Variants in RFT1 observed in about 807,000 individuals in gnomAD.
RFT1 encodes man(5)GlcNAc(2)-PP-dolichol translocation protein RFT1.
In RFT1, 43 loss-of-function variants were observed where a neutral mutation model predicts 62.2. That is an observed-to-expected ratio of 0.69 (90% CI 0.54 to 0.89). The LOEUF is 0.89. Ranked by LOEUF, RFT1 falls within the 40% of genes least tolerant of loss-of-function variation. The pLI is 0.00. For synonymous variants in RFT1, 262 were observed against 264.6 expected, an observed-to-expected ratio of 0.99 and a Z score of 0.10; for missense variants, 605 against 649.9, an observed-to-expected ratio of 0.93 and a Z score of 0.75.
intron 6 of RFT1, among the ~76,000 whole-genome samples, chr3:53,115,667 T>C (rs1201269325): frequency 6.6e-6 from 1 of 152,256 alleles, no homozygotes; most frequent in African/African-American, 2.4e-5. Context: ...TCTTTCCTTC[T>C]GTGGTCACGA....
downstream of RFT1, among the ~76,000 whole-genome samples, chr3:53,087,535 T>C (rs1314323418): frequency 6.6e-6 from 1 of 152,184 alleles, no homozygotes; most frequent in East Asian, 1.9e-4. Flanking sequence ...AATTTTTTTT[T>C]TTTTTGGAGT....
chr3:53,067,371 A>T, the RFT1 span, among the ~76,000 whole-genome samples: 1 of 152,244 alleles, frequency 6.6e-6, no homozygotes, highest in East Asian at 1.9e-4. Flanking sequence ...AAAAATAAAA[A>T]ACATTGTATT....
intron 6 of RFT1, among the ~76,000 whole-genome samples, chr3:53,117,581 C>T (rs1225018329): frequency 6.6e-6 from 1 of 152,200 alleles, no homozygotes; most frequent in Non-Finnish European, 1.5e-5. Context: ...CTTGGGTCCT[C>T]GCAGTCTGGG....
the RFT1 span, among the ~76,000 whole-genome samples, chr3:53,070,041 T>C: frequency 1.3e-5 from 2 of 152,194 alleles, no homozygotes; most frequent in South Asian, 4.1e-4. Context: ...AGATGTTTCC[T>C]GCCCTGCTTG....
At chr3:53,107,998 G>A (rs1379283800) in intron 7 of RFT1, among the ~76,000 whole-genome samples, 4 of 152,176 alleles carry the variant, frequency 2.6e-5, no homozygotes, top group African/African-American at 9.7e-5. Context: ...GTGCTGCTTG[G>A]ATCCACCCTC....
Position 53,119,599 on chromosome 3 carries a change from C to T in RFT1, c.696+285G>A, listed in dbSNP as rs183081357. 3.7e-3 allele frequency among the ~76,000 whole-genome samples: 561 copies of T among 152,216 alleles called. 4 individuals are homozygous for T. The highest frequency in any genetic ancestry group is 6.6e-3 in the Non-Finnish European group (448 of 68,004). On this transcript the variant is annotated intron_variant, in intron 6 of 12. Transcript: ENST00000296292. ...ACGTCTGGAGACATTTTGGGGTGCT[C>T]CACTGAGGGGTGGTTGCTACTGGCA...
intron 11 of RFT1, among the ~76,000 whole-genome samples, chr3:53,094,533 C>T (rs930126430): frequency 1.3e-5 from 2 of 152,032 alleles, no homozygotes; most frequent in Non-Finnish European, 2.9e-5. Flanking sequence ...TTTTTCACTA[C>T]TAATCAGTGA....
At chr3:53,108,918 C>G (rs1701569871) in intron 7 of RFT1, among the ~76,000 whole-genome samples, 2 of 152,180 alleles carry the variant, frequency 1.3e-5, no homozygotes, top group Admixed American at 6.5e-5. Context: ...ATCCGCCCAC[C>G]TTGGCCTCCC....
chr3:53,107,000 T>C (rs1701497350), intron 7 of RFT1, 131 bp from the exon 8 acceptor site: 3 of 702,022 alleles, frequency 4.3e-6, no homozygotes, highest in South Asian at 3.3e-5. Context: ...GTTAAAGACA[T>C]GTCCTTGTCC....
In RFT1 at chr3:53,105,728, T is replaced by A. The variant is rs913477149; in HGVS notation, c.902A>T (p.Tyr301Phe). Residue 301 changes from tyrosine (Y) to phenylalanine (F), a missense_variant, in exon 9 of 13, where the codon TAT (tyrosine) becomes TTT (phenylalanine). Transcript: ENST00000296292. ...CTCCAGCACCTTAGCAAAAAATATA[T>A]AAAAACTTTCCTCTATTGGCTGGAA... ...LIFQPIEESF[Y>F]IFFAKVLERG... 1 of 1,613,730 alleles carries A rather than the reference T, an allele frequency of 6.2e-7. No individual in the cohort carries two copies. Among genetic ancestry groups the A allele is most frequent in the African/African-American group, 1.3e-5 (1 of 74,872 alleles).
At chr3:53,092,106 A>G (rs770734043) in intron 12 of RFT1, 36 bp from the exon 13 acceptor site, 2 of 1,612,946 alleles carry the variant, frequency 1.2e-6, no homozygotes, top group Admixed American at 3.3e-5. Flanking sequence ...CCTGTTCCTC[A>G]GTCTATACCT....
chr3:53,125,781 C>A, intron 2 of RFT1, 128 bp downstream of exon 2: 1 of 742,670 alleles, frequency 1.3e-6, no homozygotes, highest in East Asian at 2.8e-5. Context: ...CAGCCTACTG[C>A]TAAGACATTC....
intron 11 of RFT1, among the ~76,000 whole-genome samples, chr3:53,098,422 C>A (rs1289015649): frequency 1.3e-5 from 2 of 152,124 alleles, no homozygotes; most frequent in Admixed American, 1.3e-4. Context: ...GGAAGGGTCC[C>A]CATTTGAGAC....
the RFT1 span, among the ~76,000 whole-genome samples, chr3:53,080,774 G>A: frequency 6.6e-6 from 1 of 152,148 alleles, no homozygotes; most frequent in Non-Finnish European, 1.5e-5. Context: ...AGGCACAGGG[G>A]GATCAAGCAC....
intron 10 of RFT1, among the ~76,000 whole-genome samples, chr3:53,101,184 G>C (rs1028637941): frequency 6.6e-6 from 1 of 152,204 alleles, no homozygotes; most frequent in Non-Finnish European, 1.5e-5. Flanking sequence ...CCACGGCCCT[G>C]TCTCAGATTC....
At chr3:53,110,922 A>G (rs1346804049) in intron 7 of RFT1, among the ~76,000 whole-genome samples, 2 of 152,192 alleles carry the variant, frequency 1.3e-5, no homozygotes, top group Non-Finnish European at 2.9e-5. Flanking sequence ...ATACATACAA[A>G]AACTAAATGT....
chr3:53,114,223 G>C (rs932231019), intron 6 of RFT1, among the ~76,000 whole-genome samples: 3 of 152,190 alleles, frequency 2.0e-5, no homozygotes, highest in Admixed American at 6.5e-5. Context: ...GGTCCTCCCA[G>C]GGGTCAGCAA....
chr3:53,126,066 A>G (rs749040220), intron 1 of RFT1, 72 bp from the exon 2 acceptor site: 2 of 1,201,676 alleles, frequency 1.7e-6, no homozygotes, highest in Non-Finnish European at 1.2e-6. Flanking sequence ...AATGAGAACA[A>G]TGTGGCTGTT....
At chr3:53,103,307 C>T (rs1328940436) in intron 10 of RFT1, 2 of 982,936 alleles carry the variant, frequency 2.0e-6, no homozygotes, top group African/African-American at 3.5e-5. Context: ...CAAGATGAAG[C>T]ACTGCAAATG....
Sources: gnomAD v4.1 joint callset for allele counts (sites outside exome capture counted in the v4.1 genomes callset) on GRCh38, gnomAD v4.1.1 for gene constraint, MANE v1.5 for transcripts, NCBI Gene and HGNC (gene_info 2026-07-23, HGNC 2026-07-21) for gene names.